Variants in SIPA1L1 observed in about 807,000 individuals in gnomAD.
SIPA1L1 encodes the protein signal-induced proliferation-associated 1-like protein 1.
Under a neutral mutation model 162.7 loss-of-function variants are expected in SIPA1L1, and 26 were observed. The observed-to-expected ratio is 0.16, with a 90% CI of 0.12 to 0.22. SIPA1L1 has a LOEUF of 0.22. Ranked by LOEUF, SIPA1L1 falls within the 10% of genes least tolerant of loss-of-function variation. The pLI, the probability that SIPA1L1 is intolerant of heterozygous loss-of-function variation, is 1.00. For missense variants in SIPA1L1, 1,874 were observed against 2,241.0 expected (o/e 0.84, Z 3.31); for synonymous variants, 829 against 837.4 (o/e 0.99, Z 0.17).
intron 6 of SIPA1L1, among the ~76,000 whole-genome samples, chr14:71,621,418 T>G (rs920950775): frequency 1.3e-5 from 2 of 152,142 alleles, no homozygotes; most frequent in African/African-American, 4.8e-5. Context: ...ACTGGCCTCC[T>G]TCCTACCTGG....
intron 13 of SIPA1L1, among the ~76,000 whole-genome samples, chr14:71,691,952 C>T (rs1320799587): frequency 6.6e-6 from 1 of 152,198 alleles, no homozygotes; most frequent in East Asian, 1.9e-4. Context: ...CTGTCTTATT[C>T]ATCTTTGTAT....
intron 4 of SIPA1L1, among the ~76,000 whole-genome samples, chr14:71,561,842 C>T (rs954847234): frequency 6.6e-6 from 1 of 152,248 alleles, no homozygotes; most frequent in Non-Finnish European, 1.5e-5. Context: ...CTGCCTCAGC[C>T]TCCCAAAGTG....
chr14:71,521,543 T>A (rs1267097488), intron 3 of SIPA1L1, among the ~76,000 whole-genome samples: 3 of 152,218 alleles, frequency 2.0e-5, no homozygotes, highest in Non-Finnish European at 4.4e-5. Context: ...ATGGCCTACT[T>A]CATAGTAGAA....
chr14:71,596,200 G>T (rs1203685438), intron 5 of SIPA1L1, among the ~76,000 whole-genome samples: 1 of 152,134 alleles, frequency 6.6e-6, no homozygotes, highest in Non-Finnish European at 1.5e-5. Flanking sequence ...CGTGATGCAG[G>T]TCTGACAAAG....
chr14:71,640,130 C>T (rs1465101413), intron 7 of SIPA1L1, among the ~76,000 whole-genome samples: 11 of 152,172 alleles, frequency 7.2e-5, no homozygotes, highest in African/African-American at 2.7e-4. Context: ...TCTCAAACTC[C>T]TGATCTCAAG....
chr14:71,633,084 G>A (rs1188967831), intron 7 of SIPA1L1, among the ~76,000 whole-genome samples: 1 of 151,452 alleles, frequency 6.6e-6, no homozygotes, highest in Non-Finnish European at 1.5e-5. Flanking sequence ...TCATGAAAAT[G>A]TTTCAATGAG....
rs1001422743 is a variant in SIPA1L1 at position 71,740,110 on chromosome 14, A to G, written c.*949A>G. 3.3e-5 allele frequency: 5 copies of G among 152,252 alleles called. No individual in the cohort carries two copies. Among genetic ancestry groups the G allele is most frequent in the African/African-American group, 1.2e-4 (5 of 41,478 alleles). 9.4% of individuals were successfully genotyped at this position (152,252 alleles called of 1,614,324 possible). ...TTTTTTTAGCTTGCTGAAAATGACC[A>G]TATCTCTAAATTAATCTTTCTCTCC... On this transcript the variant is annotated 3_prime_UTR_variant, in exon 24 of 24. Coordinates refer to ENST00000381232, the MANE Select transcript of SIPA1L1 (RefSeq NM_001386936.1).
At chr14:71,411,890 C>G (rs562406476) in intron 2 of SIPA1L1, among the ~76,000 whole-genome samples, 2 of 152,276 alleles carry the variant, frequency 1.3e-5, no homozygotes, top group South Asian at 4.1e-4. Flanking sequence ...AAATCTTGTT[C>G]AGTTAGAATG....
chr14:71,621,563 C>T (rs2039452987), intron 6 of SIPA1L1, among the ~76,000 whole-genome samples: 1 of 152,198 alleles, frequency 6.6e-6, no homozygotes, highest in South Asian at 2.1e-4. Flanking sequence ...ACCGCTGAAT[C>T]TAAAATTTCT....
chr14:71,453,996 C>CAAAAA (rs751420064), intron 2 of SIPA1L1, among the ~76,000 whole-genome samples: 5 of 76,552 alleles, frequency 6.5e-5, no homozygotes, highest in African/African-American at 2.5e-4. Context: ...GAGATTGTTT[C>CAAAAA]AAAAAAAAAA....
intron 4 of SIPA1L1, among the ~76,000 whole-genome samples, chr14:71,557,580 A>C (rs138751645): frequency 0.013 from 1,908 of 152,286 alleles, 16 homozygotes; most frequent in Non-Finnish European, 0.018. Flanking sequence ...ATTCTGTGTT[A>C]ATCTGTGGTT....
Position 71,588,596 on chromosome 14 carries a change from A to G in SIPA1L1, c.724A>G (p.Lys242Glu). 1 of 1,614,056 alleles carries G rather than the reference A, an allele frequency of 6.2e-7. No homozygotes were observed. The highest frequency in any genetic ancestry group is 1.1e-5 in the South Asian group (1 of 91,074). The change falls in exon 5 of 24, where the codon AAG becomes GAG. Residue 242 changes from lysine to glutamate, a missense_variant. By Grantham distance (56) the Lys-to-Glu change is moderately conservative (BLOSUM62 1). This residue lies in a region of SIPA1L1 where 685 missense variants were observed against 828.0 expected (regional missense o/e 0.83). Transcript: ENST00000381232. This position sits in a 1 kb window ranked among gnomAD's most constrained non-coding sequence, Gnocchi z 4.3. ...DKSDRGPTPT[K>E]LSDFLITGGG... ...ATCTGATCGAGGTCCAACTCCAACC[A>G]AGCTCAGTGACTTTCTCATTACTGG...
chr14:71,597,115 G>A (rs1045619863), intron 5 of SIPA1L1, among the ~76,000 whole-genome samples: 3 of 152,066 alleles, frequency 2.0e-5, no homozygotes, highest in Admixed American at 6.6e-5. Context: ...GATCACAAGC[G>A]TGCATCATCA....
At chr14:71,549,764 A>G (rs977780260) in intron 4 of SIPA1L1, among the ~76,000 whole-genome samples, 2 of 152,184 alleles carry the variant, frequency 1.3e-5, no homozygotes, top group Middle Eastern at 3.2e-3. Context: ...ACTTGCCCTC[A>G]GAGAGTTTTT....
chr14:71,525,888 T>C (rs962577232), intron 3 of SIPA1L1, among the ~76,000 whole-genome samples: 2 of 152,254 alleles, frequency 1.3e-5, no homozygotes, highest in African/African-American at 2.4e-5. Flanking sequence ...GACTTATTTC[T>C]ACCAGTCTCT....
intron 12 of SIPA1L1, among the ~76,000 whole-genome samples, chr14:71,677,293 T>C (rs1202878801): frequency 6.6e-6 from 1 of 152,264 alleles, no homozygotes; most frequent in East Asian, 1.9e-4. Flanking sequence ...TGTCTGTTCA[T>C]ATCCTTTGCC....
intron 4 of SIPA1L1, among the ~76,000 whole-genome samples, chr14:71,551,083 G>C (rs1484314843): frequency 6.6e-6 from 1 of 152,046 alleles, no homozygotes; most frequent in Non-Finnish European, 1.5e-5. Context: ...GCCTTGTGTA[G>C]CTGATTCCTT....
chr14:71,390,162 GA>G (rs1249972587), intron 2 of SIPA1L1, among the ~76,000 whole-genome samples: 1 of 151,990 alleles, frequency 6.6e-6, no homozygotes, highest in Non-Finnish European at 1.5e-5. Context: ...AAAACCTAAC[GA>G]CTTAAAATGA....
intron 2 of SIPA1L1, among the ~76,000 whole-genome samples, chr14:71,335,815 T>G (rs189839598): frequency 1.3e-5 from 2 of 152,366 alleles, no homozygotes; most frequent in Admixed American, 1.3e-4. Context: ...TTGAATTGGC[T>G]TACTGTACAT....
Sources: gnomAD v4.1 joint callset for allele counts (sites outside exome capture counted in the v4.1 genomes callset) on GRCh38, gnomAD v4.1.1 for gene constraint, gnomAD v4.1.1 regional missense constraint, Gnocchi (gnomAD v3.1) non-coding constraint, MANE v1.5 for transcripts, NCBI Gene and HGNC (gene_info 2026-07-23, HGNC 2026-07-21) for gene names.